CEP85L: variants seen among roughly 807,000 people sequenced by gnomAD.
CEP85L encodes centrosomal protein 85L.
Under a neutral mutation model 100.3 loss-of-function variants are expected in CEP85L, and 60 were observed. The ratio of observed to expected loss-of-function variants is 0.60; its 90% confidence interval spans 0.49 to 0.74. CEP85L has a LOEUF of 0.74. Ranked by LOEUF, CEP85L falls within the 30% of genes least tolerant of loss-of-function variation. The pLI, the probability that CEP85L is intolerant of heterozygous loss-of-function variation, is 0.00. For missense variants in CEP85L, 973 were observed against 936.2 expected, an observed-to-expected ratio of 1.04 and a Z score of -0.51; for synonymous variants, 319 against 322.7, an observed-to-expected ratio of 0.99 and a Z score of 0.12.
At chr6:118,672,410 T>C (rs1776336199) in intron 1 of CEP85L, among the ~76,000 whole-genome samples, 1 of 152,270 alleles carries the variant, frequency 6.6e-6, no homozygotes, top group South Asian at 2.1e-4. Context: ...GACTATGTAC[T>C]CAGATGGTGC....
At chr6:118,518,542 T>C (rs1413785610) in intron 4 of CEP85L, among the ~76,000 whole-genome samples, 1 of 152,252 alleles carries the variant, frequency 6.6e-6, no homozygotes, top group Non-Finnish European at 1.5e-5. Flanking sequence ...TATTCTCTGA[T>C]AGTAGTTTGT....
intron 6 of CEP85L, among the ~76,000 whole-genome samples, chr6:118,484,623 C>T (rs1774039941): frequency 6.6e-6 from 1 of 152,132 alleles, no homozygotes; most frequent in African/African-American, 2.4e-5. Flanking sequence ...GGTGCCCAGA[C>T]AGGCACAGAA....
intron 3 of CEP85L, among the ~76,000 whole-genome samples, chr6:118,525,340 G>T (rs1244397998): frequency 1.3e-5 from 2 of 152,270 alleles, no homozygotes; most frequent in Middle Eastern, 3.4e-3. Context: ...GGTGTTATAG[G>T]TTTGACTGTA....
At chr6:118,617,879 C>T (rs1441633588) in intron 2 of CEP85L, among the ~76,000 whole-genome samples, 2 of 152,158 alleles carry the variant, frequency 1.3e-5, no homozygotes, top group Admixed American at 6.5e-5. Context: ...CTTTTGCTTG[C>T]TATTCTGTCC....
At chr6:118,699,857 G>A (rs1357635127) in intron 1 of CEP85L, among the ~76,000 whole-genome samples, 1 of 152,150 alleles carries the variant, frequency 6.6e-6, no homozygotes, top group African/African-American at 2.4e-5. Flanking sequence ...ACCACGCCCA[G>A]CTAATTTTTG....
upstream of CEP85L, among the ~76,000 whole-genome samples, chr6:118,653,416 C>G (rs1047529422): frequency 2.0e-5 from 3 of 152,020 alleles, no homozygotes; most frequent in African/African-American, 7.2e-5. Context: ...GCTAAAGTAT[C>G]CATTTCTTTT....
intron 3 of CEP85L, among the ~76,000 whole-genome samples, chr6:118,558,555 A>T (rs1779012029): frequency 6.6e-6 from 1 of 151,718 alleles, no homozygotes; most frequent in Admixed American, 6.6e-5. Context: ...CCTAACACAA[A>T]TGAGACGGTC....
chr6:118,568,482 G>C (rs551991455), intron 2 of CEP85L, among the ~76,000 whole-genome samples: 1 of 152,194 alleles, frequency 6.6e-6, no homozygotes, highest in Non-Finnish European at 1.5e-5. Flanking sequence ...CTACAGTATG[G>C]AGTTAAAGTG....
At chr6:118,630,694 A>C (rs1335888662) in intron 2 of CEP85L, among the ~76,000 whole-genome samples, 1 of 152,220 alleles carries the variant, frequency 6.6e-6, no homozygotes, top group African/African-American at 2.4e-5. Context: ...AGAATATACA[A>C]CACCAAAAGT....
intron 3 of CEP85L, among the ~76,000 whole-genome samples, chr6:118,538,683 A>C (rs1248741680): frequency 8.4e-6 from 1 of 119,470 alleles, no homozygotes; most frequent in Non-Finnish European, 2.0e-5. Flanking sequence ...TATCCAAGAC[A>C]GACAGTAACT....
intron 10 of CEP85L, among the ~76,000 whole-genome samples, chr6:118,472,498 A>C (rs1773038349): frequency 6.6e-6 from 1 of 152,184 alleles, no homozygotes; most frequent in Non-Finnish European, 1.5e-5. Context: ...GTAACATTTC[A>C]CCTAAAACAT....
At chr6:118,490,831 T>C (rs1444635743) in intron 6 of CEP85L, among the ~76,000 whole-genome samples, 2 of 152,164 alleles carry the variant, frequency 1.3e-5, no homozygotes, top group Non-Finnish European at 1.5e-5. Flanking sequence ...ATATATACCA[T>C]GTAATTTCAT....
intron 1 of CEP85L, among the ~76,000 whole-genome samples, chr6:118,650,429 G>A (rs1775471936): frequency 6.6e-6 from 1 of 152,140 alleles, no homozygotes; most frequent in South Asian, 2.1e-4. Context: ...AGCATGAAAT[G>A]GCTGTCCGAT....
Position 118,651,370 on chromosome 6 carries a change from G to T in CEP85L, c.-101C>A. On this transcript the variant is annotated 5_prime_UTR_variant, in exon 1 of 13. Coordinates refer to ENST00000368491, the MANE Select transcript of CEP85L (RefSeq NM_001042475.3). ...ACTTGCGCGGAGCGTGGGCCTCGGC[G>T]ACACGGGCAGGAGGAAAGGCGGGAT... 1 of 1,371,830 alleles carries T rather than the reference G, an allele frequency of 7.3e-7. No individual in the cohort carries two copies. Among genetic ancestry groups the T allele is most frequent in the Non-Finnish European group, 9.4e-7 (1 of 1,063,882 alleles). 85.0% of individuals were successfully genotyped at this position (1,371,830 alleles called of 1,614,324 possible). A position where few individuals can be genotyped will look rare whatever the true frequency, so the allele number is the denominator to read the frequency against.
At chr6:118,501,808 C>A in intron 5 of CEP85L, 1 of 1,148,778 alleles carries the variant, frequency 8.7e-7, no homozygotes, top group Non-Finnish European at 1.3e-6. Context: ...AGGCTGCTGG[C>A]TGAGAGAGAG....
chr6:118,600,322 T>TGTGTGTGTGTGTGTGTGTGTGTGTGTGTG, intron 2 of CEP85L, among the ~76,000 whole-genome samples: 1 of 105,510 alleles, frequency 9.5e-6, no homozygotes, highest in South Asian at 3.7e-4. Context: ...TGTGTGTGTG[T>TGTGTGTGTGTGTGTGTGTGTGTGTGTGTG]GTGTGTGTGT....
chr6:118,662,165 G>A (rs1234376530), intron 1 of CEP85L, among the ~76,000 whole-genome samples: 1 of 152,208 alleles, frequency 6.6e-6, no homozygotes, highest in Non-Finnish European at 1.5e-5. Context: ...ATTATTGCAT[G>A]CTAAGTGAGC....
At chr6:118,634,442 T>A (rs1774361276) in intron 1 of CEP85L, among the ~76,000 whole-genome samples, 1 of 152,222 alleles carries the variant, frequency 6.6e-6, no homozygotes, top group Non-Finnish European at 1.5e-5. Flanking sequence ...ATGCAATTTA[T>A]CAATTAAATT....
chr6:118,686,545 T>C (rs1776840037), intron 1 of CEP85L, among the ~76,000 whole-genome samples: 1 of 152,214 alleles, frequency 6.6e-6, no homozygotes, highest in South Asian at 2.1e-4. Context: ...CATGTGTCAA[T>C]ATTTATTTTT....
Sources: gnomAD v4.1 joint callset for allele counts (sites outside exome capture counted in the v4.1 genomes callset) on GRCh38, gnomAD v4.1.1 for gene constraint, MANE v1.5 for transcripts, NCBI Gene and HGNC (gene_info 2026-07-23, HGNC 2026-07-21) for gene names.